The following ZNF534 variants were observed in gnomAD, a reference collection of about 807,000 sequenced individuals.
ZNF534 encodes the protein KRAB domain only 3.
In ZNF534, 19 loss-of-function variants were observed where a neutral mutation model predicts 13.6. The observed-to-expected ratio is 1.40, with a 90% CI of 0.97 to 2.05. The LOEUF is 2.05. ZNF534 is among the 30% of genes most tolerant of loss of function. The probability of loss-of-function intolerance (pLI) is 0.00; values close to 1 mark genes in which losing one functional copy is unlikely to be tolerated. For synonymous variants in ZNF534, 244 were observed against 273.8 expected, an observed-to-expected ratio of 0.89 and a Z score of 1.07; for missense variants, 782 against 796.3, an observed-to-expected ratio of 0.98 and a Z score of 0.22.
intron 2 of ZNF534, among the ~76,000 whole-genome samples, chr19:52,432,069 A>T (rs73934465): frequency 0.15 from 23,029 of 151,532 alleles, 2,367 homozygotes; most frequent in African/African-American, 0.29. Flanking sequence ...ATATATATAT[A>T]TTTTTATCAG....
downstream of ZNF534, among the ~76,000 whole-genome samples, chr19:52,443,626 T>C (rs10426169): frequency 0.019 from 2,868 of 152,118 alleles, 86 homozygotes; most frequent in African/African-American, 0.067. Context: ...GGTGAGTGCC[T>C]ATAGCCCCAG....
chr19:52,430,559 G>T (rs114741162), intron 1 of ZNF534, among the ~76,000 whole-genome samples: 2,534 of 148,860 alleles, frequency 0.017, 79 homozygotes, highest in African/African-American at 0.06. Context: ...CTTTTTTTTT[G>T]TTTTTTTTTG....
Position 52,440,080 on chromosome 19 carries a change from CAAAA to C in ZNF534, c.*638_*641del, listed in dbSNP as rs928491421. The stretch of plus-strand genomic sequence containing the variant: ...CAAAACTCTTTCTTTAAAAACAAAA[CAAAA>C]AAAGTTATGAAGCCTCACAAAAGTA... On this transcript the variant is annotated 3_prime_UTR_variant, in exon 5 of 5. Transcript: ENST00000433050. Among the ~76,000 whole-genome samples, 9 of 151,802 alleles carry C rather than the reference CAAAA, an allele frequency of 5.9e-5. No individual in the cohort carries two copies. The South Asian group carries it at 8.3e-4, about 14-fold the overall frequency.
At chr19:52,447,580 A>G (rs577548827) in intron 4 of ZNF534, among the ~76,000 whole-genome samples, 2 of 152,318 alleles carry the variant, frequency 1.3e-5, no homozygotes, top group Admixed American at 6.5e-5. Context: ...GTCAGACCAT[A>G]GACAAGTGTT....
At chr19:52,433,551 A>G (rs1328344585) in intron 2 of ZNF534, among the ~76,000 whole-genome samples, 1 of 152,140 alleles carries the variant, frequency 6.6e-6, no homozygotes, top group Non-Finnish European at 1.5e-5. Flanking sequence ...TATTTTTAGT[A>G]GAGATGGGGT....
rs758006379 is a variant in ZNF534, at chr19:52,438,790, G to A, written c.1330G>A (p.Gly444Ser). Reference protein sequence around the residue: ...GEKPYECIDCGKVFRHKSSLT... With the variant: ...GEKPYECIDCSKVFRHKSSLT... ...GAAACCTTACGAATGTATAGACTGT[G>A]GCAAGGTCTTCAGGCACAAGTCTTC... Residue 444 changes from glycine to serine, a missense_variant, in exon 5 of 5, where the codon GGC (glycine) becomes AGC (serine). Physicochemically the swap from Gly to Ser is moderately conservative, Grantham distance 56. Transcript: ENST00000433050. The A allele has an allele frequency of 1.1e-5, 17 of 1,609,444 alleles. No individual in the cohort carries two copies. The South Asian group carries it at 1.9e-4, about 18-fold the overall frequency.
Position 52,438,179 on chromosome 19 carries a change from A to G in ZNF534, c.719A>G (p.Lys240Arg). Residue 240 changes from lysine to arginine, a missense_variant, in exon 5 of 5, where the codon AAG (lysine) becomes AGG (arginine). Lys to Arg is a conservative substitution (Grantham distance 26). Coordinates refer to ENST00000433050, the MANE Select transcript of ZNF534 (RefSeq NM_001143938.3). Reference protein sequence around the residue: ...AQHQRIHTGEKPYKYNECGKV... With the variant: ...AQHQRIHTGERPYKYNECGKV... The stretch of plus-strand genomic sequence containing the variant: ...CATCAACGAATCCATACTGGAGAGA[A>G]GCCTTACAAATATAATGAATGTGGC... 2 of 1,614,158 alleles carry G rather than the reference A, an allele frequency of 1.2e-6. No homozygotes were observed. The highest frequency in any genetic ancestry group is 1.7e-6 in the Non-Finnish European group (2 of 1,180,010).
At chr19:52,450,424 T>C (rs1273172241) in intron 4 of ZNF534, among the ~76,000 whole-genome samples, 1 of 152,154 alleles carries the variant, frequency 6.6e-6, no homozygotes, top group East Asian at 1.9e-4. Flanking sequence ...TTGAAGACTG[T>C]CTTTTTTCCC....
chr19:52,434,555 A>G (rs1452936479), intron 3 of ZNF534, among the ~76,000 whole-genome samples: 2 of 150,890 alleles, frequency 1.3e-5, no homozygotes, highest in African/African-American at 4.9e-5. Flanking sequence ...ACCTGGTGAA[A>G]CCCCATCCAT....
chr19:52,431,551 G>A, intron 2 of ZNF534, 62 bp downstream of exon 2: 1 of 1,607,956 alleles, frequency 6.2e-7, no homozygotes, highest in Non-Finnish European at 8.5e-7. Context: ...CCAGGCATTG[G>A]AGTTGCTAAT....
intron 4 of ZNF534, 111 bp from the exon 5 acceptor site, chr19:52,437,621 G>A: frequency 1.8e-6 from 2 of 1,126,814 alleles, no homozygotes; most frequent in Non-Finnish European, 2.5e-6. Flanking sequence ...TAAAAACAAA[G>A]TATGCTGATA....
At chr19:52,437,703 T>TATA in intron 4 of ZNF534, 29 bp from the exon 5 acceptor site, 1 of 1,528,372 alleles carries the variant, frequency 6.5e-7, no homozygotes, top group Non-Finnish European at 8.8e-7. Flanking sequence ...GAATCGGGAT[T>TATA]AAGTTCTAAA....
chr19:52,450,100 A>AAT (rs1468181009), intron 4 of ZNF534, among the ~76,000 whole-genome samples: 1 of 152,134 alleles, frequency 6.6e-6, no homozygotes, highest in African/African-American at 2.4e-5. Flanking sequence ...ATAGACTGTA[A>AAT]ATATTTTCTC....
intron 2 of ZNF534, among the ~76,000 whole-genome samples, chr19:52,433,155 C>T (rs2059100053): frequency 1.4e-5 from 2 of 144,412 alleles, no homozygotes; most frequent in Non-Finnish European, 3.0e-5. Flanking sequence ...AAGAGGATCA[C>T]TTGAGCCTGG....
chr19:52,434,624 G>A (rs1052391036), intron 3 of ZNF534, among the ~76,000 whole-genome samples: 1 of 151,552 alleles, frequency 6.6e-6, no homozygotes, highest in South Asian at 2.1e-4. Flanking sequence ...CCAGCTACTC[G>A]GGAGACTGAG....
In ZNF534 at chr19:52,441,029, G is replaced by C. The variant is rs939674129; in HGVS notation, c.*1583G>C. ...CAATTCTCCTGCCTCTACCTCCCGA[G>C]TAGCTAGGACTACAAGCACATGATG... is the stretch of plus-strand genomic sequence containing the variant. On this transcript the variant is annotated 3_prime_UTR_variant, in exon 5 of 5. Transcript: ENST00000433050. Among the ~76,000 whole-genome samples, 5 of 151,984 alleles carry C rather than the reference G, an allele frequency of 3.3e-5. No homozygotes were observed. The highest frequency in any genetic ancestry group is 7.4e-5 in the Non-Finnish European group (5 of 68,014).
chr19:52,447,602 T>C (rs2059198842), intron 4 of ZNF534, among the ~76,000 whole-genome samples: 1 of 151,796 alleles, frequency 6.6e-6, no homozygotes, highest in Non-Finnish European at 1.5e-5. Context: ...AATTTTGTTG[T>C]GTTTTTTTCT....
intron 1 of ZNF534, among the ~76,000 whole-genome samples, chr19:52,431,055 G>T (rs1358491293): frequency 6.6e-6 from 1 of 151,142 alleles, no homozygotes. Flanking sequence ...GTTTCATTAT[G>T]TTGGCCAGGC....
chr19:52,441,241 A>G lies in ZNF534; in HGVS notation c.*1795A>G, dbSNP rs915547585. ...TGAATATATGGAATGTACTCCAGGC[A>G]TGGTGGCTCACACCTATAATCCCAG... On this transcript the variant is annotated 3_prime_UTR_variant, in exon 5 of 5. Transcript: ENST00000433050. Among the ~76,000 whole-genome samples, 2 of 152,116 alleles carry G rather than the reference A, an allele frequency of 1.3e-5. No homozygotes were observed. Among genetic ancestry groups the G allele is most frequent in the Non-Finnish European group, 2.9e-5 (2 of 68,018 alleles).
Sources: allele counts gnomAD v4.1 joint callset (sites outside exome capture counted in the v4.1 genomes callset), GRCh38; gene constraint gnomAD v4.1.1; transcripts MANE v1.5; gene names NCBI Gene and HGNC (gene_info 2026-07-23, HGNC 2026-07-21).